Variants in TMEM177 observed in about 807,000 individuals in gnomAD.
TMEM177 encodes transmembrane protein 177.
TMEM177 carries 4 observed loss-of-function variants against 14.2 expected under a neutral mutation model. The ratio of observed to expected loss-of-function variants is 0.28; its 90% confidence interval spans 0.14 to 0.64. The LOEUF is 0.64. TMEM177 is among the 30% of genes least tolerant of loss of function. The pLI, the probability that TMEM177 is intolerant of heterozygous loss-of-function variation, is 0.82. For missense variants in TMEM177, 344 were observed against 405.2 expected, an observed-to-expected ratio of 0.85 and a Z score of 1.30; for synonymous variants, 179 against 174.5, an observed-to-expected ratio of 1.03 and a Z score of -0.20.
At chr2:119,695,680 C>G in the TMEM177 span, among the ~76,000 whole-genome samples, 16 of 152,328 alleles carry the variant, frequency 1.1e-4, no homozygotes, top group African/African-American at 3.8e-4. Context: ...GGGAAAAGTC[C>G]AGATTTGTAA....
the TMEM177 span, among the ~76,000 whole-genome samples, chr2:119,709,959 G>A: frequency 1.3e-5 from 2 of 152,206 alleles, no homozygotes; most frequent in African/African-American, 4.8e-5. Flanking sequence ...TAGAGATGGA[G>A]AGCAGATTGG....
downstream of TMEM177, among the ~76,000 whole-genome samples, chr2:119,685,419 G>GCACACA (rs138566609): frequency 2.7e-4 from 41 of 151,376 alleles, no homozygotes; most frequent in East Asian, 4.5e-3. Context: ...AGCTGGGCGC[G>GCACACA]CACACACACA....
downstream of TMEM177, among the ~76,000 whole-genome samples, chr2:119,688,951 G>T (rs1187569226): frequency 6.6e-6 from 1 of 152,226 alleles, no homozygotes; most frequent in Non-Finnish European, 1.5e-5. Context: ...CAGTACTGCT[G>T]CAAGTGGATC....
chr2:119,693,870 AAC>A, the TMEM177 span, among the ~76,000 whole-genome samples: 8 of 150,560 alleles, frequency 5.3e-5, no homozygotes, highest in Non-Finnish European at 1.0e-4. Context: ...ACATGCCACA[AAC>A]ACAACACACA....
the TMEM177 span, among the ~76,000 whole-genome samples, chr2:119,713,194 T>C: frequency 6.6e-6 from 1 of 151,966 alleles, no homozygotes; most frequent in East Asian, 1.9e-4. Flanking sequence ...CTCAGCCTCC[T>C]GAGTAGCTGG....
chr2:119,700,745 C>A, the TMEM177 span, among the ~76,000 whole-genome samples: 20 of 152,186 alleles, frequency 1.3e-4, no homozygotes, highest in Non-Finnish European at 2.6e-4. Flanking sequence ...TCTCCTGGCT[C>A]CTAGGCAAGT....
intron 1 of TMEM177, 131 bp from the exon 2 acceptor site, chr2:119,680,701 G>A: frequency 1.5e-6 from 1 of 689,078 alleles, no homozygotes; most frequent in Non-Finnish European, 2.4e-6. Context: ...AGGCACTCTG[G>A]CTCTAGAGCC....
At chr2:119,692,911 G>A in the TMEM177 span, among the ~76,000 whole-genome samples, 1 of 139,380 alleles carries the variant, frequency 7.2e-6, no homozygotes, top group Non-Finnish European at 1.5e-5. Context: ...GGCAGAGGTT[G>A]CAGTGAGCCG....
the TMEM177 span, among the ~76,000 whole-genome samples, chr2:119,697,668 C>G: frequency 9.2e-5 from 14 of 152,346 alleles, no homozygotes; most frequent in East Asian, 2.7e-3. Context: ...TTCCTCACCC[C>G]TCCCCTCTGT....
the TMEM177 span, among the ~76,000 whole-genome samples, chr2:119,695,476 A>G: frequency 1.3e-5 from 2 of 152,094 alleles, no homozygotes; most frequent in Admixed American, 6.6e-5. Flanking sequence ...TCCTTCTTGC[A>G]TCCTGGGCAC....
intron 1 of TMEM177, among the ~76,000 whole-genome samples, chr2:119,680,121 G>T (rs1688856576): frequency 6.6e-6 from 1 of 152,118 alleles, no homozygotes; most frequent in Non-Finnish European, 1.5e-5. Flanking sequence ...AGTCAAATTG[G>T]ATTAGGATCC....
chr2:119,694,079 A>G, the TMEM177 span, among the ~76,000 whole-genome samples: 1 of 28,662 alleles, frequency 3.5e-5, no homozygotes, highest in Non-Finnish European at 7.6e-5. Context: ...CACACAACAT[A>G]CACACCACAC....
the TMEM177 span, among the ~76,000 whole-genome samples, chr2:119,711,429 G>A: frequency 1.3e-5 from 2 of 152,062 alleles, no homozygotes; most frequent in Non-Finnish European, 2.9e-5. Flanking sequence ...ATTTCAGTGC[G>A]GTAATATTCA....
chr2:119,685,725 A>T (rs763792396), downstream of TMEM177: 1 of 718,094 alleles, frequency 1.4e-6, no homozygotes, highest in South Asian at 1.5e-5. Flanking sequence ...GTGGCAGAAC[A>T]AGGATTTGAA....
At chr2:119,688,470 C>G (rs1402906772), downstream of TMEM177, among the ~76,000 whole-genome samples, 2 of 152,176 alleles carry the variant, frequency 1.3e-5, no homozygotes, top group African/African-American at 4.8e-5. Context: ...CACACCCAGG[C>G]TAGATGGTGT....
At chr2:119,702,632 CA>C in the TMEM177 span, among the ~76,000 whole-genome samples, 18 of 152,062 alleles carry the variant, frequency 1.2e-4, no homozygotes, top group African/African-American at 4.1e-4. Flanking sequence ...AAAATTAATG[CA>C]AAATAAAGTT....
In TMEM177 at chr2:119,681,617, C is replaced by CT. The variant is rs761765797; in HGVS notation, c.764_765insT (p.Asn257GlnfsTer74). On this transcript the variant is annotated frameshift_variant, in exon 2 of 2. Coordinates refer to ENST00000272521, the MANE Select transcript of TMEM177 (RefSeq NM_030577.3). LOFTEE classifies it high-confidence loss of function. ...GTGGAGTTCTATGAGAAGCTTCTGT[C>CT]GGGCAACCTGGCCCTGCGCAGTCTC... 101 of 1,614,120 alleles carry CT rather than the reference C, an allele frequency of 6.3e-5. 1 individual carries two copies. In the Admixed American group the frequency reaches 1.7e-3, roughly 27 times the overall value.
the TMEM177 span, among the ~76,000 whole-genome samples, chr2:119,706,443 T>A: frequency 1.3e-5 from 2 of 152,182 alleles, no homozygotes; most frequent in Admixed American, 1.3e-4. Flanking sequence ...CTTGTTCACA[T>A]CTGTTCACCC....
chr2:119,717,897 G>A, the TMEM177 span, among the ~76,000 whole-genome samples: 4 of 152,066 alleles, frequency 2.6e-5, no homozygotes, highest in African/African-American at 9.7e-5. Context: ...TGGGATTATA[G>A]GCATGAGCCA....
Sources: allele counts gnomAD v4.1 joint callset (sites outside exome capture counted in the v4.1 genomes callset), GRCh38; gene constraint gnomAD v4.1.1; transcripts MANE v1.5; gene names NCBI Gene and HGNC (gene_info 2026-07-23, HGNC 2026-07-21).